EPHA6: variants seen among roughly 807,000 people sequenced by gnomAD.
EPHA6 encodes the protein EPH receptor A6.
Under a neutral mutation model 112.0 loss-of-function variants are expected in EPHA6, and 50 were observed. That is an observed-to-expected ratio of 0.45 (90% CI 0.36 to 0.56). EPHA6 has a LOEUF of 0.56. Ranked by LOEUF, EPHA6 falls within the 20% of genes least tolerant of loss-of-function variation. The pLI, the probability that EPHA6 is intolerant of heterozygous loss-of-function variation, is 0.00. For synonymous variants in EPHA6, 529 were observed against 490.7 expected (o/e 1.08, Z -1.03); for missense variants, 1,280 against 1,417.4 (o/e 0.90, Z 1.56).
intron 6 of EPHA6, among the ~76,000 whole-genome samples, chr3:97,420,846 CAA>C (rs148265178): frequency 0.13 from 17,214 of 129,014 alleles, 3,108 homozygotes; most frequent in African/African-American, 0.41. Context: ...GACAAACAGA[CAA>C]AAAAAAAAAA....
At chr3:97,080,259 A>G (rs2108195715) in intron 3 of EPHA6, among the ~76,000 whole-genome samples, 1 of 152,270 alleles carries the variant, frequency 6.6e-6, no homozygotes, top group South Asian at 2.1e-4. Flanking sequence ...GGTACTGGAA[A>G]TAACTTTCAA....
At chr3:96,942,213 G>A (rs1295480148) in intron 2 of EPHA6, among the ~76,000 whole-genome samples, 1 of 152,212 alleles carries the variant, frequency 6.6e-6, no homozygotes, top group Admixed American at 6.5e-5. Flanking sequence ...GCCCCCAGAG[G>A]TGGAGCCTAC....
At chr3:97,700,480 G>A (rs1378848833) in intron 14 of EPHA6, among the ~76,000 whole-genome samples, 1 of 152,114 alleles carries the variant, frequency 6.6e-6, no homozygotes, top group African/African-American at 2.4e-5. Flanking sequence ...TAAGACAAGT[G>A]CCCATCAGCT....
At chr3:97,182,001 C>T (rs1347173053) in intron 3 of EPHA6, among the ~76,000 whole-genome samples, 1 of 151,976 alleles carries the variant, frequency 6.6e-6, no homozygotes, top group African/African-American at 2.4e-5. Context: ...TTAATTTAAA[C>T]TTGGAATGGA....
At chr3:97,420,909 G>C (rs1411030006) in intron 6 of EPHA6, among the ~76,000 whole-genome samples, 2 of 151,296 alleles carry the variant, frequency 1.3e-5, no homozygotes, top group Non-Finnish European at 2.9e-5. Flanking sequence ...TTTAACAGTA[G>C]ATAATTTATC....
At chr3:97,328,814 TTTA>T (rs1294701852) in intron 5 of EPHA6, among the ~76,000 whole-genome samples, 2 of 152,112 alleles carry the variant, frequency 1.3e-5, no homozygotes, top group African/African-American at 4.8e-5. Flanking sequence ...TATTTTTCTT[TTTA>T]TTATTATTAT....
chr3:97,145,231 A>C (rs1192382011), intron 3 of EPHA6, among the ~76,000 whole-genome samples: 1 of 151,460 alleles, frequency 6.6e-6, no homozygotes, highest in Non-Finnish European at 1.5e-5. Context: ...GTACAATGAA[A>C]TATAACTCTT....
chr3:97,561,216 C>T (rs552869223), intron 11 of EPHA6, among the ~76,000 whole-genome samples: 115 of 152,010 alleles, frequency 7.6e-4, no homozygotes, highest in African/African-American at 2.7e-3. Context: ...ATATCTCTGG[C>T]GTTTAAATCA....
chr3:97,449,503 T>C (rs964763175), intron 7 of EPHA6, among the ~76,000 whole-genome samples: 2 of 152,094 alleles, frequency 1.3e-5, no homozygotes, highest in Non-Finnish European at 2.9e-5. Context: ...TAGTAATTCC[T>C]TATGGATAAC....
chr3:96,961,493 G>C (rs1427003230), intron 2 of EPHA6, among the ~76,000 whole-genome samples: 1 of 152,138 alleles, frequency 6.6e-6, no homozygotes, highest in Non-Finnish European at 1.5e-5. Context: ...CTGAGTTGGA[G>C]GTTGGCTAAA....
chr3:97,096,277 A>ACC (rs753968647), intron 3 of EPHA6, among the ~76,000 whole-genome samples: 2 of 145,798 alleles, frequency 1.4e-5, no homozygotes, highest in Admixed American at 6.8e-5. Context: ...ATACACACCC[A>ACC]CACACACACA....
At chr3:97,574,130 G>C (rs2093360314) in intron 11 of EPHA6, among the ~76,000 whole-genome samples, 1 of 151,852 alleles carries the variant, frequency 6.6e-6, no homozygotes, top group Non-Finnish European at 1.5e-5. Context: ...TATTTCATTG[G>C]TTTGAGAAAA....
At chr3:96,991,738 G>T (rs1449701351) in intron 3 of EPHA6, among the ~76,000 whole-genome samples, 1 of 152,104 alleles carries the variant, frequency 6.6e-6, no homozygotes, top group African/African-American at 2.4e-5. Context: ...GTTGAAATCA[G>T]TTCCAGATTC....
rs115471171 is a variant in EPHA6, at chr3:97,610,736, G to A, written c.2513-57G>A. 4.4e-4 allele frequency: 610 copies of A among 1,374,902 alleles called. 6 individuals are homozygous for A. The African/African-American group carries it at 7.8e-3, about 17-fold the overall frequency. 85.2% of individuals were successfully genotyped at this position (1,374,902 alleles called of 1,614,324 possible). ...TGCCACAGCTGGGTATCTCTTAACTGCAGCACATATTTCTGTAATTGCTCT... is the reference window on the plus strand; with the variant it reads ...TGCCACAGCTGGGTATCTCTTAACTACAGCACATATTTCTGTAATTGCTCT... On this transcript the variant is annotated intron_variant, in intron 12 of 17. Coordinates refer to ENST00000389672, the MANE Select transcript of EPHA6 (RefSeq NM_001080448.3).
At position 97,749,452 on chromosome 3, in the gene EPHA6, A is replaced by G. The variant is rs150563064; in HGVS notation, c.*751A>G. On this transcript the variant is annotated 3_prime_UTR_variant, in exon 18 of 18. Coordinates refer to ENST00000389672, the MANE Select transcript of EPHA6 (RefSeq NM_001080448.3). Reference sequence around the variant, plus strand: ...TCTAATTTTATTTATTTATTTATTTATTTTTACTAACCGTAGTATATTTCT... The same window carrying G: ...TCTAATTTTATTTATTTATTTATTTGTTTTTACTAACCGTAGTATATTTCT... Among the ~76,000 whole-genome samples, 37 of 151,938 alleles carry G rather than the reference A, an allele frequency of 2.4e-4. No homozygotes were observed. The highest frequency in any genetic ancestry group is 3.5e-4 in the Non-Finnish European group (24 of 67,958).
At chr3:96,842,100 C>A (rs1439975527) in intron 1 of EPHA6, among the ~76,000 whole-genome samples, 1 of 152,086 alleles carries the variant, frequency 6.6e-6, no homozygotes, top group African/African-American at 2.4e-5. Flanking sequence ...AGCCTCCCAT[C>A]CATCTTGAGA....
At chr3:96,880,005 T>A (rs2037214145) in intron 2 of EPHA6, among the ~76,000 whole-genome samples, 1 of 152,016 alleles carries the variant, frequency 6.6e-6, no homozygotes. Context: ...GGGTACAATG[T>A]ACGCTATTTG....
intron 11 of EPHA6, among the ~76,000 whole-genome samples, chr3:97,547,326 T>C (rs2092966395): frequency 6.6e-6 from 1 of 152,134 alleles, no homozygotes; most frequent in Non-Finnish European, 1.5e-5. Flanking sequence ...TTGCTAGAGG[T>C]CCACTCCAGA....
chr3:97,328,129 TGTTA>T (rs2082575884), intron 5 of EPHA6, among the ~76,000 whole-genome samples: 1 of 149,394 alleles, frequency 6.7e-6, no homozygotes, highest in South Asian at 2.1e-4. Flanking sequence ...TATTTCCATT[TGTTA>T]GTTATTAAAC....
Sources: gnomAD v4.1 joint callset for allele counts (sites outside exome capture counted in the v4.1 genomes callset) on GRCh38, gnomAD v4.1.1 for gene constraint, MANE v1.5 for transcripts, NCBI Gene and HGNC (gene_info 2026-07-23, HGNC 2026-07-21) for gene names.